FAM118A: variants seen among roughly 807,000 people sequenced by gnomAD.
FAM118A encodes protein FAM118A.
Under a neutral mutation model 38.2 loss-of-function variants are expected in FAM118A, and 25 were observed. That is an observed-to-expected ratio of 0.65 (90% CI 0.48 to 0.91). The LOEUF (loss-of-function observed/expected upper bound fraction) is 0.91, where lower values mean the gene tolerates loss of function less well. FAM118A is among the 40% of genes least tolerant of loss of function. FAM118A has a pLI of 0.00. For synonymous variants in FAM118A, 178 were observed against 184.1 expected (o/e 0.97, Z 0.27); for missense variants, 425 against 463.3 (o/e 0.92, Z 0.76).
At chr22:45,324,144 C>T (rs950549444) in intron 3 of FAM118A, among the ~76,000 whole-genome samples, 7 of 151,858 alleles carry the variant, frequency 4.6e-5, no homozygotes, top group African/African-American at 1.5e-4. Context: ...GGAGAGAGCA[C>T]GAAAAAAAGT....
intron 8 of FAM118A, 107 bp from the exon 9 acceptor site, chr22:45,340,279 G>A (rs961669217): frequency 1.7e-5 from 23 of 1,370,672 alleles, no homozygotes; most frequent in Middle Eastern, 2.0e-4. Context: ...AAAGTCTTCC[G>A]TACATAAGAA....
chr22:45,334,485 A>C (rs1467159658), intron 6 of FAM118A, among the ~76,000 whole-genome samples: 1 of 152,194 alleles, frequency 6.6e-6, no homozygotes, highest in East Asian at 1.9e-4. Flanking sequence ...AAATGGACCA[A>C]TGTAAGTTCC....
chr22:45,327,854 G>T lies in FAM118A; in HGVS notation c.313G>T (p.Ala105Ser), dbSNP rs1311501804. The change falls in exon 4 of 9, where the codon GCC (alanine) becomes TCC (serine). Residue 105 changes from alanine to serine, a missense_variant. Physicochemically the swap from Ala to Ser is moderately conservative, Grantham distance 99. Coordinates refer to ENST00000441876, the MANE Select transcript of FAM118A (RefSeq NM_017911.4). Reference protein sequence around the residue: ...IRKMSPRTGDAKPSFFQDCLM... With the variant: ...IRKMSPRTGDSKPSFFQDCLM... ...CACCTTTTTGTAGCGCACAGGCGAT[G>T]CCAAGCCCAGCTTCTTCCAGGACTG... 1.9e-6 allele frequency: 3 copies of T among 1,614,106 alleles called. No homozygotes were observed. The East Asian group carries it at 6.7e-5, about 36-fold the overall frequency.
intron 4 of FAM118A, chr22:45,329,563 C>T (rs940330132): frequency 6.6e-6 from 1 of 152,278 alleles, no homozygotes; most frequent in Non-Finnish European, 1.5e-5. Flanking sequence ...ACACTGCTGC[C>T]TGTGTTGTCT....
intron 1 of FAM118A, among the ~76,000 whole-genome samples, chr22:45,313,822 G>A (rs539422625): frequency 3.3e-5 from 5 of 152,140 alleles, no homozygotes; most frequent in Non-Finnish European, 7.4e-5. Flanking sequence ...TGTGGCCGCC[G>A]AACACTGAAA....
chr22:45,336,186 A>G (rs548631073), intron 7 of FAM118A, 142 bp from the exon 8 acceptor site: 1 of 582,778 alleles, frequency 1.7e-6, no homozygotes, highest in East Asian at 3.0e-5. Flanking sequence ...CTCTTTGGAG[A>G]GAAGCCGTAG....
At chr22:45,312,364 A>G (rs1200738775) in intron 1 of FAM118A, among the ~76,000 whole-genome samples, 3 of 152,024 alleles carry the variant, frequency 2.0e-5, no homozygotes, top group East Asian at 3.9e-4. Flanking sequence ...TGGGGTTCCC[A>G]TGACCCTTCC....
At chr22:45,328,761 G>C (rs2085493082) in intron 4 of FAM118A, 5 of 379,524 alleles carry the variant, frequency 1.3e-5, no homozygotes, top group South Asian at 9.6e-5. Context: ...CTGGGCAAGA[G>C]AGTGAGACCC....
At chr22:45,335,858 G>T (rs1356100818) in intron 7 of FAM118A, among the ~76,000 whole-genome samples, 1 of 152,238 alleles carries the variant, frequency 6.6e-6, no homozygotes, top group African/African-American at 2.4e-5. Context: ...ATGAGACTCG[G>T]TGGCCATGAG....
intron 8 of FAM118A, among the ~76,000 whole-genome samples, chr22:45,339,773 C>T (rs894400210): frequency 2.6e-5 from 4 of 152,150 alleles, no homozygotes; most frequent in Non-Finnish European, 5.9e-5. Context: ...AGATTTTGTC[C>T]CCCCGTGGCC....
rs192866671 is a variant in FAM118A, at chr22:45,314,203, T to C, written c.-10+4020T>C. Among the ~76,000 whole-genome samples, 44 of 152,298 alleles carry C rather than the reference T, an allele frequency of 2.9e-4. No individual in the cohort carries two copies. The East Asian group carries it at 6.9e-3, about 24-fold the overall frequency. On this transcript the variant is annotated intron_variant, in intron 1 of 8. Coordinates refer to ENST00000441876, the MANE Select transcript of FAM118A (RefSeq NM_017911.4). ...TTGTTCCTCCATGTGGCCCTCCTTA[T>C]CTGTTCCCACCCCGCCCCCCAAGCT...
intron 1 of FAM118A, 163 bp from the exon 2 acceptor site, chr22:45,322,208 T>G: frequency 3.9e-6 from 6 of 1,520,450 alleles, no homozygotes; most frequent in Non-Finnish European, 5.3e-6. Context: ...TTAGGAAGCA[T>G]TTTGGATGTA....
Position 45,340,396 on chromosome 22 carries a change from A to G in FAM118A, c.1065A>G (p.Gly355=). 1 of 1,614,188 alleles carries G rather than the reference A, an allele frequency of 6.2e-7. No homozygotes were observed. Among genetic ancestry groups the G allele is most frequent in the South Asian group, 1.1e-5 (1 of 91,076 alleles). ...KRTQSDTDDA[G]GS ...CTTTTATTTAAACAGATGATGCTGGAGGGTCTTGAAATCTTTACAGTAAAA... is the reference window on the plus strand; with the variant it reads ...CTTTTATTTAAACAGATGATGCTGGGGGGTCTTGAAATCTTTACAGTAAAA... Residue 355 remains glycine (G), a synonymous_variant, in exon 9 of 9, where the codon GGA becomes GGG. Coordinates refer to ENST00000441876, the MANE Select transcript of FAM118A (RefSeq NM_017911.4).
At chr22:45,338,865 T>C (rs1011815202) in intron 8 of FAM118A, among the ~76,000 whole-genome samples, 3 of 152,222 alleles carry the variant, frequency 2.0e-5, no homozygotes, top group African/African-American at 7.2e-5. Flanking sequence ...ACAGGGACCA[T>C]GTGCAATAGT....
rs6007588 is a variant in FAM118A, at chr22:45,327,409, C to T, written c.301-433C>T. On this transcript the variant is annotated intron_variant, in intron 3 of 8. Transcript: ENST00000441876. ...GGCCCAGGTCATCTGCTTCTGCTGC[C>T]GACTCTTCCCCTCACTCCTCTCCTG... Among the ~76,000 whole-genome samples the T allele has an allele frequency of 7.9e-3, 1,208 of 152,148 alleles. 14 individuals carry two copies. Among genetic ancestry groups the T allele is most frequent in the African/African-American group, 0.028 (1,150 of 41,478 alleles).
intron 8 of FAM118A, among the ~76,000 whole-genome samples, chr22:45,337,260 T>A (rs1478461102): frequency 6.6e-6 from 1 of 152,188 alleles, no homozygotes; most frequent in Non-Finnish European, 1.5e-5. Context: ...GTCTGTAGGT[T>A]GATTGTAAAA....
rs573105830 is a variant in FAM118A, at chr22:45,340,036, A to G, written c.1055-350A>G. Among the ~76,000 whole-genome samples the G allele has an allele frequency of 1.8e-4, 27 of 152,336 alleles. 1 individual carries two copies. Among genetic ancestry groups the G allele is most frequent in the Middle Eastern group, 3.4e-3 (1 of 294 alleles). ...AGCCAAGCCTGGGGATCCCAGAGGA[A>G]TCGACAGGCTTATTCTTCTCCATAC... On this transcript the variant is annotated intron_variant, in intron 8 of 8. Transcript: ENST00000441876.
Position 45,323,291 on chromosome 22 carries a change from G to GCATCGAGGCCGT in FAM118A, c.174_185dup (p.Val59_Ala62dup). 6.2e-7 allele frequency: 1 copy of GCATCGAGGCCGT among 1,614,202 alleles called. No individual in the cohort carries two copies. Among genetic ancestry groups the GCATCGAGGCCGT allele is most frequent in the Non-Finnish European group, 8.5e-7 (1 of 1,180,010 alleles). On this transcript the variant is annotated inframe_insertion, in exon 3 of 9. Transcript: ENST00000441876. ...CCTGCCCTTTGCTCGTGGAGAAGCT[G>GCATCGAGGCCGT]CATCGAGGCCGTCATCGAGGCTGCA...
rs1361178076 is a variant in FAM118A at position 45,341,323 on chromosome 22, T to A, written c.*918T>A. ...GGTCTGATATTGCTAAGAACTGAAA[T>A]CGGAGGAGCCAGAGGCCCTTTTCAG... On this transcript the variant is annotated 3_prime_UTR_variant, in exon 9 of 9. Transcript: ENST00000441876. The A allele has an allele frequency of 6.6e-6, 1 of 152,136 alleles. No homozygotes were observed. Among genetic ancestry groups the A allele is most frequent in the Non-Finnish European group, 1.5e-5 (1 of 68,028 alleles). The allele number at this position is 152,136 out of a possible 1,614,324, so 9.4% of individuals were successfully genotyped here.
Sources: allele counts gnomAD v4.1 joint callset (sites outside exome capture counted in the v4.1 genomes callset), GRCh38; gene constraint gnomAD v4.1.1; transcripts MANE v1.5; gene names NCBI Gene and HGNC (gene_info 2026-07-23, HGNC 2026-07-21).